Variants in RPS6KA2 observed in about 807,000 individuals in gnomAD.
RPS6KA2 encodes ribosomal protein S6 kinase A2, also known as ribosomal protein S6 kinase alpha-2.
In RPS6KA2, 42 loss-of-function variants were observed where a neutral mutation model predicts 91.8. That is an observed-to-expected ratio of 0.46 (90% CI 0.36 to 0.59). The LOEUF is 0.59. Ranked by LOEUF, RPS6KA2 falls within the 20% of genes least tolerant of loss-of-function variation. RPS6KA2 has a pLI of 0.00. For missense variants in RPS6KA2, 798 were observed against 978.5 expected (o/e 0.82, Z 2.46); for synonymous variants, 414 against 393.6 (o/e 1.05, Z -0.61).
intron 3 of RPS6KA2, among the ~76,000 whole-genome samples, chr6:166,518,963 G>A (rs1160321166): frequency 6.6e-6 from 1 of 152,190 alleles, no homozygotes; most frequent in Non-Finnish European, 1.5e-5. Flanking sequence ...CACCCTAGGT[G>A]GTGTCAGTCA....
intron 2 of RPS6KA2, among the ~76,000 whole-genome samples, chr6:166,808,252 T>C (rs1180347322): frequency 6.6e-6 from 1 of 152,224 alleles, no homozygotes; most frequent in African/African-American, 2.4e-5. Context: ...TTCTTGAAGC[T>C]GAGACTCTCC....
chr6:166,580,096 C>T (rs1170149898), intron 1 of RPS6KA2, among the ~76,000 whole-genome samples: 5 of 152,244 alleles, frequency 3.3e-5, no homozygotes, highest in Admixed American at 2.6e-4. Context: ...GGGCTTTGGG[C>T]CCCCGGGCCT....
chr6:166,590,584 G>A (rs1158377838), intron 1 of RPS6KA2, among the ~76,000 whole-genome samples: 3 of 152,244 alleles, frequency 2.0e-5, no homozygotes, highest in Non-Finnish European at 2.9e-5. Flanking sequence ...CAGGGGATTC[G>A]TGTGGAATGA....
intron 2 of RPS6KA2, among the ~76,000 whole-genome samples, chr6:166,640,904 A>G (rs1787411466): frequency 6.6e-6 from 1 of 152,284 alleles, no homozygotes; most frequent in South Asian, 2.1e-4. Context: ...GGAGGCTTGC[A>G]TCTTCAGGTG....
intron 1 of RPS6KA2, among the ~76,000 whole-genome samples, chr6:166,615,131 A>C (rs562896577): frequency 6.6e-6 from 1 of 152,156 alleles, no homozygotes; most frequent in South Asian, 2.1e-4. Flanking sequence ...AAATCCCAGC[A>C]GGATGTGGCC....
In RPS6KA2 at chr6:166,430,490, G is replaced by A. The variant is rs777034389; in HGVS notation, c.1544C>T (p.Thr515Ile). 21 of 1,613,916 alleles carry A rather than the reference G, an allele frequency of 1.3e-5. No homozygotes were observed. The highest frequency in any genetic ancestry group is 1.7e-6 in the Non-Finnish European group (2 of 1,179,960). ...SEREASDVLC[T>I]ITKTMDYLHS... ...GAGGTAGTCCATGGTCTTGGTGATG[G>A]TGCACAGGACGTCACTGGCTTCGCG... The change falls in exon 16 of 21, where the codon ACC (threonine) becomes ATC (isoleucine). Residue 515 changes from threonine to isoleucine, a missense_variant. Physicochemically the swap from Thr to Ile is moderately conservative, Grantham distance 89. Transcript: ENST00000265678.
At chr6:166,527,360 C>G (rs1310851450) in intron 3 of RPS6KA2, among the ~76,000 whole-genome samples, 2 of 152,154 alleles carry the variant, frequency 1.3e-5, no homozygotes, top group East Asian at 1.9e-4. Flanking sequence ...AACATGGAAC[C>G]GCCTGATGGA....
At chr6:166,716,775 C>T (rs9366049) in intron 2 of RPS6KA2, among the ~76,000 whole-genome samples, 104,423 of 152,156 alleles carry the variant, frequency 0.69, 36,284 homozygotes, top group South Asian at 0.85. Context: ...ACGGAAGTAC[C>T]AGAATAAAGT....
intron 1 of RPS6KA2, chr6:166,862,025 A>T: frequency 6.4e-7 from 1 of 1,566,492 alleles, no homozygotes; most frequent in Non-Finnish European, 8.8e-7. Flanking sequence ...ACATGAACTG[A>T]TTATAGTAAA....
intron 2 of RPS6KA2, among the ~76,000 whole-genome samples, chr6:166,728,929 T>C (rs556789303): frequency 1.3e-5 from 2 of 152,078 alleles, no homozygotes; most frequent in Non-Finnish European, 2.9e-5. Context: ...CCTCCTTTGG[T>C]TTACTTTACT....
intron 2 of RPS6KA2, among the ~76,000 whole-genome samples, chr6:166,682,278 C>T (rs1018254673): frequency 2.6e-5 from 4 of 152,176 alleles, no homozygotes; most frequent in African/African-American, 9.7e-5. Context: ...TGTTTTTAGT[C>T]CTTTCAATTT....
Position 166,500,790 on chromosome 6 carries a change from G to A in RPS6KA2, c.604+97C>T. ...AGAGACAAGCATCTGGCAAAGGGAA[G>A]GGCGGTGTAAATAAGAGGGCTTGGG... On this transcript the variant is annotated intron_variant, in intron 7 of 20. Coordinates refer to ENST00000265678, the MANE Select transcript of RPS6KA2 (RefSeq NM_021135.6). The surrounding 1 kb of genome is among the most constrained non-coding windows in gnomAD (Gnocchi z 4.3). 2 of 1,103,360 alleles carry A rather than the reference G, an allele frequency of 1.8e-6. No individual in the cohort carries two copies. Among genetic ancestry groups the A allele is most frequent in the Non-Finnish European group, 2.8e-6 (2 of 724,378 alleles). 68.3% of individuals were successfully genotyped at this position (1,103,360 alleles called of 1,614,324 possible). A position where few individuals can be genotyped will look rare whatever the true frequency, so the allele number is the denominator to read the frequency against.
Position 166,702,460 on chromosome 6 carries a change from G to C in RPS6KA2, c.123+155740C>G, listed in dbSNP as rs1204400164. 9 of 1,584,914 alleles carry C rather than the reference G, an allele frequency of 5.7e-6. No individual in the cohort carries two copies. In the Admixed American group the frequency reaches 1.5e-4, roughly 26 times the overall value. On this transcript the variant is annotated intron_variant, in intron 2 of 21. Transcript: ENST00000503859. ...CGCTTGTCTAGCTTGGTCCTTACTGGAATAGGTTACATTTACAACTGCAGT... is the reference window on the plus strand; with the variant it reads ...CGCTTGTCTAGCTTGGTCCTTACTGCAATAGGTTACATTTACAACTGCAGT...
intron 2 of RPS6KA2, among the ~76,000 whole-genome samples, chr6:166,661,604 T>A (rs1032168778): frequency 6.6e-6 from 1 of 152,112 alleles, no homozygotes; most frequent in African/African-American, 2.4e-5. Context: ...ATAGTCTCCC[T>A]ATATAATAAA....
At chr6:166,720,388 T>A in intron 2 of RPS6KA2, among the ~76,000 whole-genome samples, 1 of 152,140 alleles carries the variant, frequency 6.6e-6, no homozygotes, top group East Asian at 1.9e-4. Flanking sequence ...ATATGTCACC[T>A]AAATAAAAGA....
chr6:166,485,667 C>G (rs1197285502), intron 10 of RPS6KA2, among the ~76,000 whole-genome samples: 1 of 152,176 alleles, frequency 6.6e-6, no homozygotes, highest in Non-Finnish European at 1.5e-5. Flanking sequence ...TCCAAACACG[C>G]CCTCAGAGTT....
chr6:166,625,320 A>ACCCC (rs1474972568), intron 1 of RPS6KA2, among the ~76,000 whole-genome samples: 4 of 22,620 alleles, frequency 1.8e-4, no homozygotes, highest in African/African-American at 6.3e-4. Flanking sequence ...TCCTATTCCC[A>ACCCC]CCACCCCCCC....
At chr6:166,850,342 C>G (rs1046957403) in intron 2 of RPS6KA2, among the ~76,000 whole-genome samples, 9 of 151,444 alleles carry the variant, frequency 5.9e-5, no homozygotes, top group Admixed American at 5.3e-4. Context: ...AAAAAAAAAC[C>G]TATATATGTA....
intron 2 of RPS6KA2, among the ~76,000 whole-genome samples, chr6:166,801,239 A>T (rs1259194012): frequency 1.3e-5 from 2 of 152,250 alleles, no homozygotes; most frequent in Non-Finnish European, 2.9e-5. Context: ...AAAACATAAA[A>T]CATAAAGATA....
Sources: gnomAD v4.1 joint callset for allele counts (sites outside exome capture counted in the v4.1 genomes callset) on GRCh38, gnomAD v4.1.1 for gene constraint, Gnocchi (gnomAD v3.1) non-coding constraint, MANE v1.5 for transcripts, NCBI Gene and HGNC (gene_info 2026-07-23, HGNC 2026-07-21) for gene names.